AKAP13: variants seen among roughly 807,000 people sequenced by gnomAD.
AKAP13 encodes the protein A-kinase anchoring protein 13, also known as A-kinase anchor protein 13.
A neutral mutation model predicts 264.5 loss-of-function variants in AKAP13; 80 were observed. That is an observed-to-expected ratio of 0.30 (90% CI 0.25 to 0.36). The LOEUF (loss-of-function observed/expected upper bound fraction) is 0.36. Ranked by LOEUF, AKAP13 falls within the 10% of genes least tolerant of loss-of-function variation. The pLI is 1.00. For synonymous variants in AKAP13, 1,380 were observed against 1,250.2 expected, an observed-to-expected ratio of 1.10 and a Z score of -2.19; for missense variants, 3,712 against 3,435.2, an observed-to-expected ratio of 1.08 and a Z score of -2.01.
At chr15:85,453,437 TC>T (rs1384130065) in intron 1 of AKAP13, among the ~76,000 whole-genome samples, 1 of 152,204 alleles carries the variant, frequency 6.6e-6, no homozygotes, top group African/African-American at 2.4e-5. Flanking sequence ...TTTTCCAGAA[TC>T]TGGAGGTGTT....
intron 8 of AKAP13, among the ~76,000 whole-genome samples, chr15:85,588,521 G>A (rs2079451988): frequency 6.6e-6 from 1 of 152,118 alleles, no homozygotes; most frequent in South Asian, 2.1e-4. Flanking sequence ...TTGAATCCAG[G>A]CTGGTACTTG....
intron 5 of AKAP13, among the ~76,000 whole-genome samples, chr15:85,568,724 A>G (rs1376630277): frequency 2.6e-5 from 4 of 152,098 alleles, no homozygotes; most frequent in African/African-American, 9.7e-5. Flanking sequence ...CAGAATTAAG[A>G]TTATGATGAA....
At position 85,744,764 on chromosome 15, in the gene AKAP13, C is replaced by G. The variant is rs2089319209; in HGVS notation, c.*87C>G. 4.7e-6 allele frequency: 6 copies of G among 1,287,990 alleles called. No homozygotes were observed. The Admixed American group carries it at 7.0e-5, about 15-fold the overall frequency. 79.8% of individuals were successfully genotyped at this position (1,287,990 alleles called of 1,614,324 possible). ...TCCCCGCGTGCACAAGTCTCTTACA[C>G]TGGACGCCCACTGCTCCTCAGCGTC... On this transcript the variant is annotated 3_prime_UTR_variant, in exon 37 of 37. Transcript: ENST00000394518.
intron 8 of AKAP13, among the ~76,000 whole-genome samples, chr15:85,586,077 C>G (rs2079327247): frequency 6.6e-6 from 1 of 152,160 alleles, no homozygotes; most frequent in Admixed American, 6.5e-5. Context: ...ACATTTTCCC[C>G]TTGAGCACAA....
At chr15:85,714,844 G>GT (rs1199620118) in intron 19 of AKAP13, among the ~76,000 whole-genome samples, 1 of 152,098 alleles carries the variant, frequency 6.6e-6, no homozygotes, top group East Asian at 1.9e-4. Context: ...GCGGGTGCCT[G>GT]TAATCCCAGC....
rs781019006 is a variant in AKAP13, at chr15:85,575,123, G to T, written c.663-8G>T. On this transcript the variant is annotated splice_region_variant and splice_polypyrimidine_tract_variant and intron_variant, in intron 5 of 36. Transcript: ENST00000394518. ...GTATATATATTAACCAGAGATGCTT[G>T]CATGTAGGGAGAATGCTGGAGAACC... is the stretch of plus-strand genomic sequence containing the variant. The T allele has an allele frequency of 1.2e-6, 2 of 1,613,568 alleles. No individual in the cohort carries two copies. The highest frequency in any genetic ancestry group is 1.1e-5 in the South Asian group (1 of 91,070).
rs1245922024 is a variant in AKAP13 at position 85,717,317 on chromosome 15, C to T, written c.5763C>T (p.Asn1921=). ...TTGGCAATGATGAGAACATGTCAAACACCTGGAAATTCCTGTCTCATTCAA... is the reference window on the plus strand; with the variant it reads ...TTGGCAATGATGAGAACATGTCAAATACCTGGAAATTCCTGTCTCATTCAA... ...TGVGNDENMS[N]TWKFLSHSTD... is the part of the protein sequence containing the mutation. The change falls in exon 21 of 37, where the codon AAC becomes AAT. Residue 1921 remains asparagine (N), a synonymous_variant. Transcript: ENST00000394518. 1 of 1,612,488 alleles carries T rather than the reference C, an allele frequency of 6.2e-7. No homozygotes were observed. Among genetic ancestry groups the T allele is most frequent in the East Asian group, 2.2e-5 (1 of 44,858 alleles).
Position 85,580,873 on chromosome 15 carries a change from C to T in AKAP13, c.2805C>T (p.Ser935=), listed in dbSNP as rs751692409. ...EQDKDKAVTC[S]SIKENALSSG... ...ATAAGGATAAAGCGGTGACCTGTTC[C>T]TCTATTAAGGAAAATGCTCTCTCTT... The change falls in exon 7 of 37, where the codon TCC becomes TCT. Residue 935 remains serine (S), a synonymous_variant. Coordinates refer to ENST00000394518, the MANE Select transcript of AKAP13 (RefSeq NM_007200.5). 1.2e-6 allele frequency: 2 copies of T among 1,614,130 alleles called. No individual in the cohort carries two copies. The highest frequency in any genetic ancestry group is 4.5e-5 in the East Asian group (2 of 44,888).
intron 1 of AKAP13, among the ~76,000 whole-genome samples, chr15:85,445,529 C>T (rs571059003): frequency 2.0e-5 from 3 of 152,040 alleles, no homozygotes; most frequent in Admixed American, 6.6e-5. Context: ...TTTTTCTACC[C>T]ACTTGTCATA....
chr15:85,387,057 C>A (rs1020224216), intron 1 of AKAP13, among the ~76,000 whole-genome samples: 1 of 151,822 alleles, frequency 6.6e-6, no homozygotes, highest in African/African-American at 2.4e-5. Context: ...AGGTCTCAGC[C>A]GGGTGTGGTG....
intron 8 of AKAP13, among the ~76,000 whole-genome samples, chr15:85,616,655 C>T (rs1156497374): frequency 6.6e-6 from 1 of 152,202 alleles, no homozygotes; most frequent in Admixed American, 6.5e-5. Flanking sequence ...TCAGAACCTC[C>T]TTTAAATTTG....
Position 85,747,361 on chromosome 15 carries a change from TC to T in AKAP13, c.*2685del. On this transcript the variant is annotated 3_prime_UTR_variant, in exon 37 of 37. Transcript: ENST00000394518. ...TCTAGTTGCTGGATCTAATGGCCTG[TC>T]TTGGTTTCTATCACATGAGAAGGGG... is the stretch of plus-strand genomic sequence containing the variant. 6.9e-6 allele frequency: 1 copy of T among 144,446 alleles called. No homozygotes were observed. Among genetic ancestry groups the T allele is most frequent in the South Asian group, 2.4e-4 (1 of 4,174 alleles). The allele number at this position is 144,446 out of a possible 1,614,324, so 8.9% of individuals were successfully genotyped here. A position where few individuals can be genotyped will look rare whatever the true frequency, so the allele number is the denominator to read the frequency against.
At chr15:85,640,309 A>G (rs1049465309) in intron 9 of AKAP13, among the ~76,000 whole-genome samples, 15 of 152,156 alleles carry the variant, frequency 9.9e-5, no homozygotes, top group East Asian at 1.9e-4. Context: ...TTTACCCAGC[A>G]AGCCTCTGTT....
At chr15:85,617,089 TC>T (rs1287411872) in intron 8 of AKAP13, among the ~76,000 whole-genome samples, 1 of 152,232 alleles carries the variant, frequency 6.6e-6, no homozygotes, top group Non-Finnish European at 1.5e-5. Context: ...AGTTTCTCTC[TC>T]CTAAAAACTT....
chr15:85,646,980 G>A (rs1218401153), intron 10 of AKAP13, among the ~76,000 whole-genome samples: 2 of 152,162 alleles, frequency 1.3e-5, no homozygotes, highest in African/African-American at 2.4e-5. Context: ...GTGAAGAGGC[G>A]GAAACACTGT....
chr15:85,452,225 T>G (rs1039589956), intron 1 of AKAP13, among the ~76,000 whole-genome samples: 1 of 152,060 alleles, frequency 6.6e-6, no homozygotes, highest in Non-Finnish European at 1.5e-5. Flanking sequence ...TAGGGTTTTT[T>G]TTTTTTTTTA....
chr15:85,403,676 A>G (rs1023908261), intron 1 of AKAP13, among the ~76,000 whole-genome samples: 44 of 152,094 alleles, frequency 2.9e-4, no homozygotes, highest in African/African-American at 1.0e-3. Context: ...CCTTGTCTTT[A>G]CTAAAAATAC....
intron 12 of AKAP13, chr15:85,662,421 T>C (rs778903818): frequency 6.8e-6 from 11 of 1,614,118 alleles, no homozygotes; most frequent in Middle Eastern, 1.6e-4. Context: ...TGCAGTACTC[T>C]GCTGGCCTGA....
chr15:85,531,888 C>G (rs1291798892), intron 3 of AKAP13, among the ~76,000 whole-genome samples: 7 of 152,202 alleles, frequency 4.6e-5, no homozygotes, highest in Admixed American at 2.0e-4. Flanking sequence ...TAGGCAGGGA[C>G]TTAGCTCTTA....
Sources: gnomAD v4.1 joint callset for allele counts (sites outside exome capture counted in the v4.1 genomes callset) on GRCh38, gnomAD v4.1.1 for gene constraint, MANE v1.5 for transcripts, NCBI Gene and HGNC (gene_info 2026-07-23, HGNC 2026-07-21) for gene names.